The following CADM1 variants were observed in gnomAD, a reference collection of about 807,000 sequenced individuals.
The protein encoded by CADM1 is TSLC-1.
Under a neutral mutation model 53.1 loss-of-function variants are expected in CADM1, and 15 were observed. That is an observed-to-expected ratio of 0.28 (90% CI 0.19 to 0.44). CADM1 has a LOEUF of 0.44. CADM1 is among the 20% of genes least tolerant of loss of function. CADM1 has a pLI of 1.00. For synonymous variants in CADM1, 281 were observed against 243.0 expected (o/e 1.16, Z -1.45); for missense variants, 434 against 611.3 (o/e 0.71, Z 3.06).
chr11:115,296,640 TC>T (rs1944086345), intron 1 of CADM1, among the ~76,000 whole-genome samples: 1 of 152,196 alleles, frequency 6.6e-6, no homozygotes, highest in Non-Finnish European at 1.5e-5. Flanking sequence ...TCACCAGAAG[TC>T]AGGGACATGC....
chr11:115,390,828 T>C lies in CADM1; in HGVS notation c.124+113443A>G, dbSNP rs547830802. Among the ~76,000 whole-genome samples the C allele has an allele frequency of 4.5e-4, 68 of 152,346 alleles. 1 individual carries two copies. In the South Asian group the frequency reaches 0.014, roughly 31 times the overall value. ...GCATTTAATTGTATTTATTTCTAAA[T>C]GTACCCTGGTTTGAGTAATCTTGAA... On this transcript the variant is annotated intron_variant, in intron 1 of 11. Coordinates refer to ENST00000331581, the MANE Select transcript of CADM1 (RefSeq NM_001301043.2).
intron 1 of CADM1, among the ~76,000 whole-genome samples, chr11:115,444,742 C>G (rs1021167766): frequency 1.3e-5 from 2 of 152,158 alleles, no homozygotes; most frequent in African/African-American, 4.8e-5. Flanking sequence ...GAAATTAAAT[C>G]GCTAATTTTT....
chr11:115,398,216 G>A (rs927446722), intron 1 of CADM1, among the ~76,000 whole-genome samples: 2 of 152,158 alleles, frequency 1.3e-5, no homozygotes, highest in African/African-American at 4.8e-5. Flanking sequence ...TTAACTGGTC[G>A]TGAATAGGCT....
At chr11:115,435,161 C>T (rs1322926257) in intron 1 of CADM1, among the ~76,000 whole-genome samples, 1 of 151,912 alleles carries the variant, frequency 6.6e-6, no homozygotes, top group African/African-American at 2.4e-5. Flanking sequence ...GTGCCTGGCC[C>T]TCTTAGGATT....
At chr11:115,340,637 TATATATATATATA>T (rs1945406953) in intron 1 of CADM1, among the ~76,000 whole-genome samples, 1 of 34,294 alleles carries the variant, frequency 2.9e-5, no homozygotes, top group African/African-American at 1.1e-4. Flanking sequence ...TATATATATA[TATATATATATATA>T]TATATATATT....
At chr11:115,340,753 C>T (rs1380379671) in intron 1 of CADM1, among the ~76,000 whole-genome samples, 16 of 145,802 alleles carry the variant, frequency 1.1e-4, no homozygotes, top group Non-Finnish European at 1.8e-4. Context: ...CTCTGCCTCC[C>T]GGGTTCAAGA....
At chr11:115,401,604 T>C (rs1947158017) in intron 1 of CADM1, among the ~76,000 whole-genome samples, 2 of 150,484 alleles carry the variant, frequency 1.3e-5, no homozygotes, top group South Asian at 4.2e-4. Context: ...CAAGATTCCA[T>C]CTCAGCAACA....
In CADM1 at chr11:115,489,533, T is replaced by C. The variant is rs148062649; in HGVS notation, c.124+14738A>G. ...TGACAGAAGTTGAAAGGAAAACATATTCAAGCTGAGAAATTATGTAAGACT... is the reference window on the plus strand; with the variant it reads ...TGACAGAAGTTGAAAGGAAAACATACTCAAGCTGAGAAATTATGTAAGACT... On this transcript the variant is annotated intron_variant, in intron 1 of 11. Transcript: ENST00000331581. Among the ~76,000 whole-genome samples the C allele has an allele frequency of 1.7e-3, 254 of 152,350 alleles. 2 individuals carry two copies. Among genetic ancestry groups the C allele is most frequent in the African/African-American group, 5.6e-3 (231 of 41,582 alleles).
At chr11:115,264,935 G>C (rs545838208) in intron 1 of CADM1, among the ~76,000 whole-genome samples, 5 of 152,124 alleles carry the variant, frequency 3.3e-5, no homozygotes, top group Non-Finnish European at 7.3e-5. Flanking sequence ...TACTAAACAA[G>C]GGTGCCATGA....
At chr11:115,368,651 G>A (rs1946233444) in intron 1 of CADM1, among the ~76,000 whole-genome samples, 1 of 152,018 alleles carries the variant, frequency 6.6e-6, no homozygotes, top group African/African-American at 2.4e-5. Flanking sequence ...AATTTTCCTT[G>A]TAGCATATTT....
At chr11:115,241,228 C>T (rs1942218505) in intron 1 of CADM1, among the ~76,000 whole-genome samples, 1 of 152,182 alleles carries the variant, frequency 6.6e-6, no homozygotes, top group Admixed American at 6.5e-5. Flanking sequence ...GCCTGGGCCA[C>T]CTCATAAATG....
intron 1 of CADM1, among the ~76,000 whole-genome samples, chr11:115,312,313 TAAAAC>T (rs1944552729): frequency 6.6e-6 from 1 of 152,170 alleles, no homozygotes; most frequent in Admixed American, 6.5e-5. Flanking sequence ...ACAAGACAGT[TAAAAC>T]AGACTAATAT....
chr11:115,403,541 T>C (rs573948163), intron 1 of CADM1, among the ~76,000 whole-genome samples: 1 of 152,004 alleles, frequency 6.6e-6, no homozygotes, highest in Non-Finnish European at 1.5e-5. Flanking sequence ...TTTTTGGCAT[T>C]GTTTTTGCAA....
chr11:115,380,259 C>T (rs1378254294), intron 1 of CADM1, among the ~76,000 whole-genome samples: 8 of 152,032 alleles, frequency 5.3e-5, no homozygotes, highest in Admixed American at 3.9e-4. Flanking sequence ...AGTTGGCAGC[C>T]GAAGAGAAGT....
chr11:115,270,006 C>T (rs887471840), intron 1 of CADM1, among the ~76,000 whole-genome samples: 1 of 152,138 alleles, frequency 6.6e-6, no homozygotes, highest in Admixed American at 6.5e-5. Context: ...AAGGTTTAGG[C>T]GACGAAGAGG....
intron 1 of CADM1, among the ~76,000 whole-genome samples, chr11:115,284,804 G>T (rs569141479): frequency 6.6e-6 from 1 of 152,280 alleles, no homozygotes; most frequent in Admixed American, 6.5e-5. Context: ...TTTTAAAGGA[G>T]TTTAGTTAAA....
At chr11:115,458,715 C>A (rs559565350) in intron 1 of CADM1, among the ~76,000 whole-genome samples, 1 of 152,008 alleles carries the variant, frequency 6.6e-6, no homozygotes, top group South Asian at 2.1e-4. Flanking sequence ...ACTTCTGTGG[C>A]TTGTAATCTA....
chr11:115,331,114 G>T (rs1011644035), intron 1 of CADM1, among the ~76,000 whole-genome samples: 9 of 152,154 alleles, frequency 5.9e-5, no homozygotes, highest in Admixed American at 1.3e-4. Context: ...ACTAGAATGG[G>T]CTCAGTGCCT....
At chr11:115,403,001 G>C (rs1050118943) in intron 1 of CADM1, among the ~76,000 whole-genome samples, 4 of 152,152 alleles carry the variant, frequency 2.6e-5, no homozygotes, top group African/African-American at 9.7e-5. Flanking sequence ...AAACACCATA[G>C]GAAAGAATGC....
Sources: gnomAD v4.1 joint callset for allele counts (sites outside exome capture counted in the v4.1 genomes callset) on GRCh38, gnomAD v4.1.1 for gene constraint, MANE v1.5 for transcripts, NCBI Gene and HGNC (gene_info 2026-07-23, HGNC 2026-07-21) for gene names.